The following ACSS3 variants were observed in gnomAD, a reference collection of about 807,000 sequenced individuals.
ACSS3 encodes the protein acyl-CoA synthetase short-chain family member 3, mitochondrial.
Under a neutral mutation model 84.2 loss-of-function variants are expected in ACSS3, and 64 were observed. The observed-to-expected ratio is 0.76, with a 90% CI of 0.62 to 0.94. The LOEUF is 0.94. Ranked by LOEUF, ACSS3 falls within the 40% of genes least tolerant of loss-of-function variation. ACSS3 has a pLI of 0.00. For missense variants in ACSS3, 815 were observed against 867.6 expected (o/e 0.94, Z 0.76); for synonymous variants, 317 against 310.1 (o/e 1.02, Z -0.23).
chr12:81,237,375 G>A (rs1190804999), intron 13 of ACSS3, among the ~76,000 whole-genome samples: 2 of 151,398 alleles, frequency 1.3e-5, no homozygotes, highest in African/African-American at 2.4e-5. Context: ...AGGAGGCTAG[G>A]GCTTTTATAG....
intron 11 of ACSS3, among the ~76,000 whole-genome samples, chr12:81,227,486 GC>G (rs2033310214): frequency 6.6e-6 from 1 of 151,574 alleles, no homozygotes; most frequent in African/African-American, 2.4e-5. Context: ...TCATTTTGAA[GC>G]CCTTATTGCT....
intron 7 of ACSS3, among the ~76,000 whole-genome samples, chr12:81,160,755 C>T (rs1250473207): frequency 6.6e-6 from 1 of 152,042 alleles, no homozygotes; most frequent in East Asian, 1.9e-4. Context: ...AATATATTTA[C>T]TGAAGAAAAC....
At position 81,078,175 on chromosome 12, in the gene ACSS3, G is replaced by C. The variant is rs199979885; in HGVS notation, c.55G>C (p.Gly19Arg). Residue 19 changes from glycine to arginine, a missense_variant, in exon 1 of 16, where the codon GGG (glycine) becomes CGG (arginine). Transcript: ENST00000548058. ...AGTCACCAGCGCCGGGGGGCTCGGA[G>C]GGCCCTTGCCTGGGTCCTCTCCGGC... The part of the protein sequence containing the change: ...RKVTSAGGLG[G>R]PLPGSSPARG... The C allele has an allele frequency of 1.6e-4, 247 of 1,525,928 alleles. 2 individuals are homozygous for C. The East Asian group carries it at 5.5e-3, about 34-fold the overall frequency. 94.5% of individuals were successfully genotyped at this position (1,525,928 alleles called of 1,614,324 possible). A position where few individuals can be genotyped will look rare whatever the true frequency, so the allele number is the denominator to read the frequency against.
At chr12:81,186,811 A>G (rs967268609) in intron 8 of ACSS3, among the ~76,000 whole-genome samples, 2 of 151,876 alleles carry the variant, frequency 1.3e-5, no homozygotes, top group African/African-American at 4.8e-5. Flanking sequence ...GTTTCTAAAG[A>G]AATTAAAAAT....
At chr12:81,254,723 T>C in intron 15 of ACSS3, 134 bp from the exon 16 acceptor site, 1 of 630,380 alleles carries the variant, frequency 1.6e-6, no homozygotes, top group Non-Finnish European at 2.6e-6. Flanking sequence ...GGTTCAAAGT[T>C]CCCTATTTTT....
chr12:81,145,619 G>A (rs1013576692), intron 5 of ACSS3, among the ~76,000 whole-genome samples: 1 of 152,196 alleles, frequency 6.6e-6, no homozygotes, highest in Non-Finnish European at 1.5e-5. Flanking sequence ...TAACAGGGAG[G>A]AATCAGATTT....
At chr12:81,213,558 CCTCCT>C (rs762606244) in intron 9 of ACSS3, among the ~76,000 whole-genome samples, 6 of 112,848 alleles carry the variant, frequency 5.3e-5, no homozygotes, top group African/African-American at 1.7e-4. Context: ...AGTTCTCTTT[CCTCCT>C]CTCCTCTCCT....
intron 9 of ACSS3, among the ~76,000 whole-genome samples, chr12:81,208,171 C>T (rs749748558): frequency 6.6e-6 from 1 of 152,130 alleles, no homozygotes. Context: ...CTATGCCCAT[C>T]GTGATGCTGT....
chr12:81,200,767 G>A (rs574277616), intron 9 of ACSS3, among the ~76,000 whole-genome samples: 1 of 151,930 alleles, frequency 6.6e-6, no homozygotes, highest in South Asian at 2.1e-4. Flanking sequence ...CAGGCGTGAT[G>A]GAGCGTGCCT....
chr12:81,184,018 C>G (rs186597968), intron 8 of ACSS3, among the ~76,000 whole-genome samples: 1 of 151,958 alleles, frequency 6.6e-6, no homozygotes, highest in Admixed American at 6.6e-5. Context: ...AGAACATTCT[C>G]CAGGATAGAT....
intron 11 of ACSS3, among the ~76,000 whole-genome samples, chr12:81,227,665 A>G (rs895355189): frequency 6.6e-6 from 1 of 151,860 alleles, no homozygotes; most frequent in African/African-American, 2.4e-5. Flanking sequence ...TCATGAACCT[A>G]TTCTTCAAGA....
chr12:81,137,000 A>T (rs2574730), intron 3 of ACSS3, among the ~76,000 whole-genome samples: 75 of 152,092 alleles, frequency 4.9e-4, no homozygotes, highest in African/African-American at 1.8e-3. Context: ...AATGGGAAGA[A>T]AGCTAATATA....
At chr12:81,126,354 A>G (rs1885095047) in intron 2 of ACSS3, among the ~76,000 whole-genome samples, 1 of 152,048 alleles carries the variant, frequency 6.6e-6, no homozygotes, top group South Asian at 2.1e-4. Flanking sequence ...TTGTCTGTGT[A>G]TTTTCTTTCC....
intron 13 of ACSS3, among the ~76,000 whole-genome samples, chr12:81,236,996 T>C (rs893605556): frequency 2.0e-5 from 3 of 151,446 alleles, no homozygotes; most frequent in African/African-American, 7.3e-5. Flanking sequence ...TTTTCTCTAC[T>C]TAAAAGGGAG....
At chr12:81,139,889 C>T (rs573096876) in intron 4 of ACSS3, among the ~76,000 whole-genome samples, 1 of 151,866 alleles carries the variant, frequency 6.6e-6, no homozygotes, top group East Asian at 1.9e-4. Flanking sequence ...CCTGCCTGGG[C>T]CCCCCAAAGT....
At chr12:81,182,385 CAATT>C (rs1406441330) in intron 8 of ACSS3, among the ~76,000 whole-genome samples, 6 of 152,060 alleles carry the variant, frequency 3.9e-5, no homozygotes, top group Admixed American at 3.9e-4. Flanking sequence ...TTATAAGAAA[CAATT>C]AAGGAAGTCC....
chr12:81,144,944 A>T (rs1593123853), intron 5 of ACSS3, among the ~76,000 whole-genome samples: 1 of 120,256 alleles, frequency 8.3e-6, no homozygotes, highest in South Asian at 2.6e-4. Context: ...TCTGTTGCCC[A>T]GGCTGGAGTG....
At chr12:81,163,485 C>G (rs888468021) in intron 7 of ACSS3, among the ~76,000 whole-genome samples, 2 of 152,190 alleles carry the variant, frequency 1.3e-5, no homozygotes, top group Non-Finnish European at 2.9e-5. Context: ...ACGACTGTGG[C>G]TGGTTTGTAT....
At chr12:81,137,848 A>C (rs892602615) in intron 3 of ACSS3, among the ~76,000 whole-genome samples, 2 of 152,140 alleles carry the variant, frequency 1.3e-5, no homozygotes, top group African/African-American at 4.8e-5. Context: ...TGACCTTTAA[A>C]AATATAATAA....
Sources: gnomAD v4.1 joint callset for allele counts (sites outside exome capture counted in the v4.1 genomes callset) on GRCh38, gnomAD v4.1.1 for gene constraint, MANE v1.5 for transcripts, NCBI Gene and HGNC (gene_info 2026-07-23, HGNC 2026-07-21) for gene names.